Variants in EPHB2 observed in about 807,000 individuals in gnomAD.
The protein encoded by EPHB2 is ephrin type-B receptor 2.
In EPHB2, 18 loss-of-function variants were observed where a neutral mutation model predicts 96.4. That is an observed-to-expected ratio of 0.19 (90% CI 0.13 to 0.28). The LOEUF (loss-of-function observed/expected upper bound fraction) is 0.28. Ranked by LOEUF, EPHB2 falls within the 10% of genes least tolerant of loss-of-function variation. The pLI, the probability that EPHB2 is intolerant of heterozygous loss-of-function variation, is 1.00. For missense variants in EPHB2, 989 were observed against 1,355.4 expected (o/e 0.73, Z 4.25); for synonymous variants, 506 against 534.1 (o/e 0.95, Z 0.72).
chr1:22,711,645 G>T (rs1233368143), intron 1 of EPHB2, among the ~76,000 whole-genome samples: 2 of 151,998 alleles, frequency 1.3e-5, no homozygotes, highest in Admixed American at 6.5e-5. Flanking sequence ...TCCCCTCCCC[G>T]AGAGGACTGC....
chr1:22,746,266 G>A (rs917445690), intron 1 of EPHB2, among the ~76,000 whole-genome samples: 1 of 152,226 alleles, frequency 6.6e-6, no homozygotes, highest in African/African-American at 2.4e-5. Context: ...GATTGGGTCT[G>A]GTAGGGAGGC....
At chr1:22,848,227 G>A (rs946382484) in intron 3 of EPHB2, among the ~76,000 whole-genome samples, 1 of 152,146 alleles carries the variant, frequency 6.6e-6, no homozygotes, top group African/African-American at 2.4e-5. Flanking sequence ...TACTTCTTAG[G>A]GATCCAGACT....
At chr1:22,788,254 G>T (rs1218858396) in intron 3 of EPHB2, among the ~76,000 whole-genome samples, 2 of 152,204 alleles carry the variant, frequency 1.3e-5, no homozygotes, top group African/African-American at 4.8e-5. Flanking sequence ...GGTGCAAGGT[G>T]GGGCAGGGTT....
intron 9 of EPHB2, among the ~76,000 whole-genome samples, chr1:22,904,059 A>C (rs1478078567): frequency 1.3e-5 from 2 of 152,216 alleles, no homozygotes; most frequent in East Asian, 3.9e-4. Flanking sequence ...AGGCCGAGGC[A>C]AGTGGATCAT....
In EPHB2 at chr1:22,821,949, A is replaced by G. The variant is rs550158489; in HGVS notation, c.811+36873A>G. Among the ~76,000 whole-genome samples, 3 of 152,258 alleles carry G rather than the reference A, an allele frequency of 2.0e-5. No homozygotes were observed. In the South Asian group the frequency reaches 6.2e-4, roughly 32 times the overall value. On this transcript the variant is annotated intron_variant, in intron 3 of 15. Transcript: ENST00000374630. ...CAGCATATGAGGCTCCGGTGGTGGT[A>G]CTTGTGGAAGGGGCAATGGATAAGG...
chr1:22,712,467 A>G (rs913093748), intron 1 of EPHB2, among the ~76,000 whole-genome samples: 2 of 152,112 alleles, frequency 1.3e-5, no homozygotes, highest in South Asian at 2.1e-4. Flanking sequence ...GAAAAAACGC[A>G]TATCAGACCA....
intron 3 of EPHB2, among the ~76,000 whole-genome samples, chr1:22,810,457 A>G (rs1320982741): frequency 6.6e-6 from 1 of 152,114 alleles, no homozygotes; most frequent in Admixed American, 6.5e-5. Context: ...TTGGGCCATT[A>G]CTAACTCACT....
At chr1:22,887,487 G>T (rs1639262667) in intron 6 of EPHB2, among the ~76,000 whole-genome samples, 1 of 152,182 alleles carries the variant, frequency 6.6e-6, no homozygotes, top group Admixed American at 6.5e-5. Context: ...TCTTCAGAAA[G>T]GGCTCTCTAG....
intron 8 of EPHB2, 112 bp downstream of exon 8, chr1:22,895,692 G>C: frequency 9.8e-7 from 1 of 1,019,686 alleles, no homozygotes; most frequent in Middle Eastern, 2.4e-4. Flanking sequence ...TCTCACAATT[G>C]CAGGGAGAGA....
At chr1:22,847,040 C>A (rs947970239) in intron 3 of EPHB2, among the ~76,000 whole-genome samples, 4 of 152,202 alleles carry the variant, frequency 2.6e-5, no homozygotes, top group African/African-American at 9.7e-5. Flanking sequence ...CTCCCACACT[C>A]CCCTCCCAGT....
intron 1 of EPHB2, among the ~76,000 whole-genome samples, chr1:22,753,401 G>A (rs887224184): frequency 1.3e-5 from 2 of 152,198 alleles, no homozygotes; most frequent in Non-Finnish European, 2.9e-5. Flanking sequence ...CTTGTCACAT[G>A]ATCACGAGGC....
At chr1:22,813,736 G>A (rs1006012455) in intron 3 of EPHB2, among the ~76,000 whole-genome samples, 1 of 152,228 alleles carries the variant, frequency 6.6e-6, no homozygotes, top group African/African-American at 2.4e-5. Flanking sequence ...GCAAAATGGG[G>A]GCTACAATGA....
Position 22,846,815 on chromosome 1 carries a change from G to A in EPHB2, c.812-16222G>A, listed in dbSNP as rs1352111713. Among the ~76,000 whole-genome samples, 2 of 152,196 alleles carry A rather than the reference G, an allele frequency of 1.3e-5. No homozygotes were observed. Among genetic ancestry groups the A allele is most frequent in the East Asian group, 3.9e-4 (2 of 5,194 alleles). ...GCACCTCCAGGAAACCACAGTGGTA[G>A]AGACCCCTCCTCTGGGCTTCCAGAC... is the stretch of plus-strand genomic sequence containing the variant. On this transcript the variant is annotated intron_variant, in intron 3 of 15. Transcript: ENST00000374630. This position sits in a 1 kb window ranked among gnomAD's most constrained non-coding sequence, Gnocchi z 4.3.
intron 1 of EPHB2, among the ~76,000 whole-genome samples, chr1:22,750,745 G>A (rs985232448): frequency 2.6e-5 from 4 of 152,156 alleles, no homozygotes; most frequent in Admixed American, 2.6e-4. Flanking sequence ...CATACAAATG[G>A]CACTTTCTAA....
At chr1:22,886,712 T>C (rs1639237829) in intron 6 of EPHB2, among the ~76,000 whole-genome samples, 1 of 146,560 alleles carries the variant, frequency 6.8e-6, no homozygotes, top group African/African-American at 2.5e-5. Flanking sequence ...CCACAACCTC[T>C]GCCTCCCGGA....
chr1:22,739,373 G>A (rs111853282), intron 1 of EPHB2, among the ~76,000 whole-genome samples: 5 of 152,218 alleles, frequency 3.3e-5, no homozygotes, highest in East Asian at 3.9e-4. Context: ...ATGCCAGCAC[G>A]CCTGGCTAGT....
At chr1:22,755,068 G>C (rs903752198) in intron 1 of EPHB2, among the ~76,000 whole-genome samples, 7 of 152,138 alleles carry the variant, frequency 4.6e-5, no homozygotes, top group Non-Finnish European at 1.0e-4. Context: ...GTGTTTCAGA[G>C]AGGTGGAGAG....
intron 3 of EPHB2, among the ~76,000 whole-genome samples, chr1:22,833,560 A>G (rs1645338149): frequency 6.6e-6 from 1 of 152,228 alleles, no homozygotes; most frequent in African/African-American, 2.4e-5. Context: ...GGCTTGGTTG[A>G]GGCCAATGTG....
chr1:22,816,138 T>C (rs1645072086), intron 3 of EPHB2, among the ~76,000 whole-genome samples: 1 of 152,192 alleles, frequency 6.6e-6, no homozygotes, highest in South Asian at 2.1e-4. Context: ...TCTGTCGGAT[T>C]AGTCAGAGAA....
Sources: allele counts gnomAD v4.1 joint callset (sites outside exome capture counted in the v4.1 genomes callset), GRCh38; gene constraint gnomAD v4.1.1; non-coding constraint Gnocchi (gnomAD v3.1); transcripts MANE v1.5; gene names NCBI Gene and HGNC (gene_info 2026-07-23, HGNC 2026-07-21).